Variants in VWA8 observed in about 807,000 individuals in gnomAD.
The protein encoded by VWA8 is von Willebrand factor A domain containing 8.
A neutral mutation model predicts 241.5 loss-of-function variants in VWA8; 221 were observed. That is an observed-to-expected ratio of 0.91 (90% confidence interval 0.82 to 1.02). VWA8 has a LOEUF of 1.02. Ranked by LOEUF, VWA8 falls within the 50% of genes least tolerant of loss-of-function variation. The pLI is 0.00. For missense variants in VWA8, 2,322 were observed against 2,328.7 expected (o/e 1.00, Z 0.06); for synonymous variants, 852 against 827.1 (o/e 1.03, Z -0.52).
At chr13:41,684,905 G>A in intron 35 of VWA8, 142 bp downstream of exon 35, 1 of 724,110 alleles carries the variant, frequency 1.4e-6, no homozygotes, top group Non-Finnish European at 2.2e-6. Flanking sequence ...ATACGGAGAG[G>A]TCTTTTTAGT....
intron 1 of VWA8, among the ~76,000 whole-genome samples, chr13:41,956,143 A>AT (rs1878343200): frequency 6.6e-6 from 1 of 152,092 alleles, no homozygotes; most frequent in Admixed American, 6.5e-5. Flanking sequence ...GGGCCAGATA[A>AT]TTTTTTGTTG....
rs534218177 is a variant in VWA8, at chr13:41,855,220, G to C, written c.1425+10516C>G. Among the ~76,000 whole-genome samples the C allele has an allele frequency of 6.2e-3, 940 of 151,302 alleles. 8 individuals carry two copies. The highest frequency in any genetic ancestry group is 0.022 in the African/African-American group (899 of 41,276). On this transcript the variant is annotated intron_variant, in intron 12 of 44. Coordinates refer to ENST00000379310, the MANE Select transcript of VWA8 (RefSeq NM_015058.2). ...TGACAAATTCATTGAGAAGGGCTGA[G>C]CACCAGAAATAAAGCTACTGTAGCC...
chr13:41,849,354 A>G (rs1021395297), intron 12 of VWA8, among the ~76,000 whole-genome samples: 1 of 152,236 alleles, frequency 6.6e-6, no homozygotes, highest in African/African-American at 2.4e-5. Flanking sequence ...ATATTTGTAA[A>G]TTTTAAAATC....
intron 19 of VWA8, among the ~76,000 whole-genome samples, chr13:41,781,095 C>A (rs1868866388): frequency 6.6e-6 from 1 of 152,170 alleles, no homozygotes; most frequent in African/African-American, 2.4e-5. Context: ...AACTCCTAGA[C>A]AATACTAAAG....
chr13:41,654,820 G>A (rs1473166236), intron 37 of VWA8, among the ~76,000 whole-genome samples: 1 of 152,156 alleles, frequency 6.6e-6, no homozygotes, highest in Non-Finnish European at 1.5e-5. Flanking sequence ...AAAATCACTG[G>A]CCTATAAGTC....
At chr13:41,637,539 T>C (rs2044767174) in intron 37 of VWA8, among the ~76,000 whole-genome samples, 1 of 151,512 alleles carries the variant, frequency 6.6e-6, no homozygotes, top group Non-Finnish European at 1.5e-5. Context: ...GTTGTGCACA[T>C]GTACCCTAGA....
chr13:41,767,618 G>T (rs376025384), intron 20 of VWA8, among the ~76,000 whole-genome samples: 1 of 152,090 alleles, frequency 6.6e-6, no homozygotes, highest in Admixed American at 6.5e-5. Flanking sequence ...AAATGGGTTC[G>T]TTGTAACGGT....
intron 15 of VWA8, 113 bp from the exon 16 acceptor site, chr13:41,816,888 A>T (rs1301935559): frequency 2.4e-6 from 2 of 848,568 alleles, no homozygotes; most frequent in Non-Finnish European, 3.7e-6. Context: ...TTTTTAGAAA[A>T]GTCATTCATT....
chr13:41,735,815 G>A (rs901323059), intron 21 of VWA8, among the ~76,000 whole-genome samples: 6 of 152,026 alleles, frequency 3.9e-5, no homozygotes, highest in African/African-American at 1.4e-4. Flanking sequence ...AAGTAATAAG[G>A]TGACTACTGT....
intron 10 of VWA8, among the ~76,000 whole-genome samples, chr13:41,866,818 C>A (rs1873334973): frequency 6.6e-6 from 1 of 152,094 alleles, no homozygotes. Context: ...GTCCACAAAT[C>A]CTTTTCAGGT....
chr13:41,616,764 A>G (rs1289010981), intron 37 of VWA8, among the ~76,000 whole-genome samples: 2 of 152,186 alleles, frequency 1.3e-5, no homozygotes, highest in Non-Finnish European at 2.9e-5. Context: ...TTTAAATTTT[A>G]TTTAGCTAAC....
Position 41,575,591 on chromosome 13 carries a change from T to C in VWA8, c.5370+149A>G, listed in dbSNP as rs1371906253. ...ATGGTGGAGAAAAGGATTTTAGGCA[T>C]GATGGGTGTTTTCTCAGTTCAATAC... On this transcript the variant is annotated intron_variant, in intron 43 of 44. Coordinates refer to ENST00000379310, the MANE Select transcript of VWA8 (RefSeq NM_015058.2). 6 of 570,090 alleles carry C rather than the reference T, an allele frequency of 1.1e-5. No homozygotes were observed. In the South Asian group the frequency reaches 1.1e-4, roughly 10 times the overall value. The allele number at this position is 570,090 out of a possible 1,614,324, so 35.3% of individuals were successfully genotyped here.
chr13:41,666,834 C>T (rs2044989756), intron 37 of VWA8, among the ~76,000 whole-genome samples: 2 of 152,108 alleles, frequency 1.3e-5, no homozygotes, highest in African/African-American at 4.8e-5. Flanking sequence ...CTTGCTGAAA[C>T]CCAGCTCTAC....
chr13:41,862,991 C>T (rs1873073787), intron 12 of VWA8, among the ~76,000 whole-genome samples: 1 of 152,110 alleles, frequency 6.6e-6, no homozygotes, highest in Admixed American at 6.6e-5. Context: ...ATGGTTAATA[C>T]TGAGTGTCAA....
intron 35 of VWA8, among the ~76,000 whole-genome samples, chr13:41,677,410 C>T (rs1309964662): frequency 1.3e-5 from 2 of 152,180 alleles, no homozygotes; most frequent in African/African-American, 2.4e-5. Flanking sequence ...ACAGAGAGTG[C>T]TTCTGATACT....
intron 20 of VWA8, among the ~76,000 whole-genome samples, chr13:41,762,851 A>G (rs1443658446): frequency 1.3e-5 from 2 of 152,144 alleles, no homozygotes; most frequent in Non-Finnish European, 2.9e-5. Flanking sequence ...AGTGCGTTCA[A>G]TAAATATTTG....
At chr13:41,950,228 G>C (rs1322782411) in intron 1 of VWA8, among the ~76,000 whole-genome samples, 2 of 144,750 alleles carry the variant, frequency 1.4e-5, no homozygotes, top group Admixed American at 7.2e-5. Flanking sequence ...TTTTAAATGT[G>C]TTAGCAAACA....
chr13:41,879,056 T>C (rs1023115550), intron 9 of VWA8, among the ~76,000 whole-genome samples: 1 of 152,186 alleles, frequency 6.6e-6, no homozygotes, highest in Non-Finnish European at 1.5e-5. Flanking sequence ...GCACTGCACA[T>C]TGGGCTGAGG....
chr13:41,731,103 A>C (rs1234738991), intron 22 of VWA8, among the ~76,000 whole-genome samples: 1 of 151,800 alleles, frequency 6.6e-6, no homozygotes, highest in African/African-American at 2.4e-5. Flanking sequence ...AAAAAAGAAA[A>C]CATGTAGCTT....
Sources: gnomAD v4.1 joint callset for allele counts (sites outside exome capture counted in the v4.1 genomes callset) on GRCh38, gnomAD v4.1.1 for gene constraint, MANE v1.5 for transcripts, NCBI Gene and HGNC (gene_info 2026-07-23, HGNC 2026-07-21) for gene names.